PTPN9: variants seen among roughly 807,000 people sequenced by gnomAD.
PTPN9 encodes the protein tyrosine-protein phosphatase non-receptor type 9.
Under a neutral mutation model 69.8 loss-of-function variants are expected in PTPN9, and 26 were observed. That is an observed-to-expected ratio of 0.37 (90% confidence interval 0.27 to 0.52). PTPN9 has a LOEUF of 0.52. Among genes scored for constraint, PTPN9 ranks in the 20% least tolerant of loss-of-function variants. The pLI is 0.91. For missense variants in PTPN9, 549 were observed against 740.3 expected (o/e 0.74, Z 3.00); for synonymous variants, 274 against 272.5 (o/e 1.01, Z -0.05).
chr15:75,488,697 G>C (rs1391426779), intron 8 of PTPN9, among the ~76,000 whole-genome samples: 1 of 152,200 alleles, frequency 6.6e-6, no homozygotes, highest in East Asian at 1.9e-4. Flanking sequence ...GGGAGGCAGA[G>C]GTGGGAGGAT....
chr15:75,539,318 T>A (rs953633617), intron 1 of PTPN9, among the ~76,000 whole-genome samples: 3 of 103,446 alleles, frequency 2.9e-5, no homozygotes, highest in South Asian at 2.4e-4. Context: ...TTAGAAGATT[T>A]TTTTTTTTTT....
intron 1 of PTPN9, among the ~76,000 whole-genome samples, chr15:75,538,615 G>A (rs1442833159): frequency 6.6e-6 from 1 of 152,088 alleles, no homozygotes; most frequent in Non-Finnish European, 1.5e-5. Flanking sequence ...CCGGGAGGCA[G>A]AGGCTGCAGT....
chr15:75,482,564 C>CAAAA (rs145653223), intron 8 of PTPN9, among the ~76,000 whole-genome samples: 5 of 35,388 alleles, frequency 1.4e-4, no homozygotes, highest in South Asian at 1.7e-3. Flanking sequence ...GACTCCGTCT[C>CAAAA]AAAAAAAAAA....
chr15:75,577,706 G>C (rs1274053428), intron 1 of PTPN9, among the ~76,000 whole-genome samples: 2 of 152,210 alleles, frequency 1.3e-5, no homozygotes, highest in African/African-American at 4.8e-5. Context: ...TTGGAAACAA[G>C]AGCTGTAGAG....
chr15:75,530,856 ATATAT>A (rs554335165), intron 1 of PTPN9, among the ~76,000 whole-genome samples: 5,902 of 106,036 alleles, frequency 0.056, 223 homozygotes, highest in Non-Finnish European at 0.078. Flanking sequence ...ATATATTATG[ATATAT>A]TATATATTAC....
intron 1 of PTPN9, among the ~76,000 whole-genome samples, chr15:75,573,308 C>A (rs2075157315): frequency 6.6e-6 from 1 of 152,148 alleles, no homozygotes; most frequent in Non-Finnish European, 1.5e-5. Context: ...TGACTGAAAG[C>A]AGGAGTTTAG....
chr15:75,503,574 G>A (rs1251600327), intron 7 of PTPN9, among the ~76,000 whole-genome samples: 23 of 104,280 alleles, frequency 2.2e-4, no homozygotes, highest in East Asian at 5.6e-4. Context: ...CCGGCCAGCC[G>A]CTCCGTCCGG....
chr15:75,569,773 A>T lies in PTPN9; in HGVS notation c.63+8941T>A, dbSNP rs115460886. ...AGTACTAGGTTGGGTTCCTTAGAGAAAACCTCCAGGCCACTTAATATTCAC... is the reference window on the plus strand; with the variant it reads ...AGTACTAGGTTGGGTTCCTTAGAGATAACCTCCAGGCCACTTAATATTCAC... On this transcript the variant is annotated intron_variant, in intron 1 of 12. Transcript: ENST00000618819. Among the ~76,000 whole-genome samples the T allele has an allele frequency of 4.1e-3, 627 of 152,054 alleles. 5 individuals carry two copies. The highest frequency in any genetic ancestry group is 0.015 in the African/African-American group (614 of 41,474).
intron 1 of PTPN9, among the ~76,000 whole-genome samples, chr15:75,540,556 AAAAAAAG>A (rs2075003887): frequency 1.1e-5 from 1 of 94,498 alleles, no homozygotes. Context: ...AAAAAAAAAA[AAAAAAAG>A]AAAGAAAGAA....
At chr15:75,504,220 C>T (rs1252645680) in intron 7 of PTPN9, among the ~76,000 whole-genome samples, 1 of 112,782 alleles carries the variant, frequency 8.9e-6, no homozygotes, top group Non-Finnish European at 1.9e-5. Flanking sequence ...GGGGGGTCAG[C>T]CCCCCGCCCG....
At chr15:75,517,720 G>A (rs1241946256) in intron 4 of PTPN9, among the ~76,000 whole-genome samples, 1 of 152,026 alleles carries the variant, frequency 6.6e-6, no homozygotes, top group Admixed American at 6.6e-5. Context: ...AAGTTTCCCT[G>A]ATAACTGTAA....
intron 10 of PTPN9, among the ~76,000 whole-genome samples, chr15:75,472,809 G>A (rs1020263521): frequency 5.9e-5 from 9 of 151,630 alleles, no homozygotes; most frequent in Admixed American, 3.3e-4. Context: ...TTAGCCAGGC[G>A]TGGTGGCACA....
intron 9 of PTPN9, among the ~76,000 whole-genome samples, chr15:75,478,629 G>A (rs1242290807): frequency 7.9e-5 from 12 of 152,146 alleles, no homozygotes; most frequent in African/African-American, 2.9e-4. Context: ...TGTTTTTTAT[G>A]GCATTAACTT....
chr15:75,550,915 G>A (rs2075054194), intron 1 of PTPN9, among the ~76,000 whole-genome samples: 1 of 152,032 alleles, frequency 6.6e-6, no homozygotes, highest in South Asian at 2.1e-4. Context: ...CAAAGTGTTG[G>A]GATTACAGGC....
chr15:75,564,778 A>G lies in PTPN9; in HGVS notation c.63+13936T>C, dbSNP rs182920862. ...TTGAGAACAGCCTGGGCAACACAAC[A>G]AGACCCTCTCTCTATTAAAAATAAA... On this transcript the variant is annotated intron_variant, in intron 1 of 12. Coordinates refer to ENST00000618819, the MANE Select transcript of PTPN9 (RefSeq NM_002833.4). Among the ~76,000 whole-genome samples the G allele has an allele frequency of 2.3e-3, 343 of 151,800 alleles. 1 individual carries two copies. Among genetic ancestry groups the G allele is most frequent in the African/African-American group, 7.9e-3 (325 of 41,384 alleles).
chr15:75,578,914 G>C lies in PTPN9; in HGVS notation c.-138C>G. 1 of 423,054 alleles carries C rather than the reference G, an allele frequency of 2.4e-6. No individual in the cohort carries two copies. The highest frequency in any genetic ancestry group is 3.7e-6 in the Non-Finnish European group (1 of 273,892). The allele number at this position is 423,054 out of a possible 1,614,324, so 26.2% of individuals were successfully genotyped here. ...CATAGTGTGGCCGGCAGGGCCCGGC[G>C]CCTGCAGCGGCCGCAAACGCCGCTT... is the stretch of plus-strand genomic sequence containing the variant. On this transcript the variant is annotated 5_prime_UTR_variant, in exon 1 of 13. Transcript: ENST00000618819.
chr15:75,474,284 C>A (rs910377562), intron 9 of PTPN9, among the ~76,000 whole-genome samples: 2 of 152,158 alleles, frequency 1.3e-5, no homozygotes, highest in African/African-American at 4.8e-5. Context: ...CTTTGGGAGG[C>A]CATGGCAGGC....
In PTPN9 at chr15:75,523,798, A is replaced by G. The variant is rs187674874; in HGVS notation, c.297+411T>C. Reference sequence around the variant, plus strand: ...TGTACAACTGATTTTCCATAATTCAATTATTCAATTATCATTAGTAACTCT... The same window carrying G: ...TGTACAACTGATTTTCCATAATTCAGTTATTCAATTATCATTAGTAACTCT... On this transcript the variant is annotated intron_variant, in intron 3 of 12. Coordinates refer to ENST00000618819, the MANE Select transcript of PTPN9 (RefSeq NM_002833.4). 1.2e-4 allele frequency among the ~76,000 whole-genome samples: 18 copies of G among 152,354 alleles called. No individual in the cohort carries two copies. In the East Asian group the frequency reaches 3.3e-3, roughly 28 times the overall value.
At chr15:75,514,100 C>CA (rs71140167) in intron 5 of PTPN9, among the ~76,000 whole-genome samples, 41,237 of 114,646 alleles carry the variant, frequency 0.36, 7,153 homozygotes, top group Middle Eastern at 0.51. Flanking sequence ...CACTCTGTCT[C>CA]AAAAAAAAAA....
Sources: gnomAD v4.1 joint callset for allele counts (sites outside exome capture counted in the v4.1 genomes callset) on GRCh38, gnomAD v4.1.1 for gene constraint, MANE v1.5 for transcripts, NCBI Gene and HGNC (gene_info 2026-07-23, HGNC 2026-07-21) for gene names.